Variants in PCDHGB4 observed in about 807,000 individuals in gnomAD.
The protein encoded by PCDHGB4 is protocadherin gamma-B4.
PCDHGB4 carries 38 observed loss-of-function variants against 60.5 expected under a neutral mutation model. The observed-to-expected ratio is 0.63, with a 90% CI of 0.48 to 0.82. The LOEUF (loss-of-function observed/expected upper bound fraction) is 0.82. Among genes scored for constraint, PCDHGB4 ranks in the 40% least tolerant of loss-of-function variants. The pLI, the probability that PCDHGB4 is intolerant of heterozygous loss-of-function variation, is 0.00. For missense variants in PCDHGB4, 1,109 were observed against 1,209.6 expected (o/e 0.92, Z 1.23); for synonymous variants, 456 against 509.7 (o/e 0.89, Z 1.42).
At chr5:141,473,735 A>G (rs529416084) in intron 1 of PCDHGB4, among the ~76,000 whole-genome samples, 75 of 152,352 alleles carry the variant, frequency 4.9e-4, no homozygotes, top group African/African-American at 1.6e-3. Context: ...GAGAGGGAGA[A>G]GACATGAGAA....
At chr5:141,423,460 G>A in intron 1 of PCDHGB4, 1 of 1,614,046 alleles carries the variant, frequency 6.2e-7, no homozygotes, top group Non-Finnish European at 8.5e-7. Context: ...TGTAGGCGTG[G>A]ACGGGGTACA....
intron 1 of PCDHGB4, chr5:141,419,057 A>T: frequency 6.2e-7 from 1 of 1,613,900 alleles, no homozygotes; most frequent in East Asian, 2.2e-5. Flanking sequence ...TTCTTCTAAT[A>T]ATTACTACAA....
In PCDHGB4 at chr5:141,389,758, G is replaced by A; in HGVS notation, c.1874G>A (p.Arg625His). 1.2e-6 allele frequency: 2 copies of A among 1,612,792 alleles called. No homozygotes were observed. Among genetic ancestry groups the A allele is most frequent in the Non-Finnish European group, 1.7e-6 (2 of 1,179,692 alleles). Residue 625 changes from arginine to histidine, a missense_variant, in exon 1 of 4, where the codon CGC becomes CAC. Arg to His is a conservative substitution (Grantham distance 29). Transcript: ENST00000519479. The part of the protein sequence containing the change: ...FSLGLRTGEV[R>H]TARALGDRDA... The stretch of plus-strand genomic sequence containing the variant: ...CTGGGGCTGCGCACGGGCGAAGTGC[G>A]CACAGCGCGTGCCTTAGGCGACAGG...
In PCDHGB4 at chr5:141,432,725, G is replaced by T; in HGVS notation, c.2397+42444G>T. The T allele has an allele frequency of 6.2e-7, 1 of 1,614,014 alleles. No individual in the cohort carries two copies. On this transcript the variant is annotated intron_variant, in intron 1 of 3. Coordinates refer to ENST00000519479, the MANE Select transcript of PCDHGB4 (RefSeq NM_003736.4). The surrounding 1 kb of genome is among the most constrained non-coding windows in gnomAD (Gnocchi z 6.0). ...GGACCACGGCCAGCCCCCTCTCTCC[G>T]CCACTGTCACGCTCACCGTGGCCGT...
At position 141,410,750 on chromosome 5, in the gene PCDHGB4, A is replaced by G. The variant is rs1256862831; in HGVS notation, c.2397+20469A>G. Reference sequence around the variant, plus strand: ...CATAGCTTTTTACAATATTTTCTCAATGTTTTTTCAATTATAGTTTTCACT... The same window carrying G: ...CATAGCTTTTTACAATATTTTCTCAGTGTTTTTTCAATTATAGTTTTCACT... On this transcript the variant is annotated intron_variant, in intron 1 of 3. Coordinates refer to ENST00000519479, the MANE Select transcript of PCDHGB4 (RefSeq NM_003736.4). 23 of 1,243,022 alleles carry G rather than the reference A, an allele frequency of 1.9e-5. No homozygotes were observed. The East Asian group carries it at 4.4e-4, about 24-fold the overall frequency. 77.0% of individuals were successfully genotyped at this position (1,243,022 alleles called of 1,614,324 possible). A position where few individuals can be genotyped will look rare whatever the true frequency, so the allele number is the denominator to read the frequency against.
At chr5:141,471,660 A>G (rs1010236543) in intron 1 of PCDHGB4, 12 of 152,184 alleles carry the variant, frequency 7.9e-5, no homozygotes, top group Non-Finnish European at 1.8e-4. Flanking sequence ...GTGGGGATGC[A>G]GAAAAAAATA....
intron 1 of PCDHGB4, among the ~76,000 whole-genome samples, chr5:141,445,778 T>G (rs1045010487): frequency 6.6e-6 from 1 of 152,190 alleles, no homozygotes; most frequent in East Asian, 1.9e-4. Context: ...TTAAAAGGGC[T>G]AGGGAGGCTA....
chr5:141,422,831 C>A (rs766457129), intron 1 of PCDHGB4: 11 of 1,614,242 alleles, frequency 6.8e-6, no homozygotes, highest in Non-Finnish European at 6.8e-6. Context: ...AGAGTGATAG[C>A]ACGTGACAGC....
At chr5:141,478,567 C>A in intron 1 of PCDHGB4, 1 of 1,593,812 alleles carries the variant, frequency 6.3e-7, no homozygotes, top group Non-Finnish European at 8.6e-7. Flanking sequence ...GCAAGTCATG[C>A]TTGACCCTGT....
intron 1 of PCDHGB4, among the ~76,000 whole-genome samples, chr5:141,438,674 A>C (rs894070572): frequency 1.9e-4 from 25 of 134,850 alleles, no homozygotes; most frequent in Non-Finnish European, 3.1e-4. Context: ...ATATATTTGG[A>C]GTAGGGGATG....
intron 1 of PCDHGB4, among the ~76,000 whole-genome samples, chr5:141,460,577 TGTG>T (rs2098992364): frequency 6.6e-6 from 1 of 152,094 alleles, no homozygotes; most frequent in African/African-American, 2.4e-5. Context: ...CATATGTAGG[TGTG>T]GGTTTTTTCT....
intron 1 of PCDHGB4, chr5:141,433,252 G>T (rs1398141147): frequency 1.4e-6 from 2 of 1,425,340 alleles, no homozygotes; most frequent in Non-Finnish European, 1.9e-6. Flanking sequence ...GGAATGCAGC[G>T]GTACGATCAT....
At chr5:141,500,615 A>G (rs1341597957) in intron 2 of PCDHGB4, among the ~76,000 whole-genome samples, 1 of 152,232 alleles carries the variant, frequency 6.6e-6, no homozygotes, top group East Asian at 1.9e-4. Flanking sequence ...ATTCCCAGTC[A>G]TACGGTACAT....
At position 141,432,902 on chromosome 5, in the gene PCDHGB4, A is replaced by C. The variant is rs992417865; in HGVS notation, c.2397+42621A>C. The C allele has an allele frequency of 1.2e-6, 2 of 1,614,028 alleles. No homozygotes were observed. The highest frequency in any genetic ancestry group is 2.7e-5 in the African/African-American group (2 of 74,924). On this transcript the variant is annotated intron_variant, in intron 1 of 3. Coordinates refer to ENST00000519479, the MANE Select transcript of PCDHGB4 (RefSeq NM_003736.4). The surrounding 1 kb of genome is among the most constrained non-coding windows in gnomAD (Gnocchi z 6.0). ...CTTCGTCATCTTGCTGCTGGCGCTCAGGCTGCGGCGCTGGCACAAGTCACG... is the reference window on the plus strand; with the variant it reads ...CTTCGTCATCTTGCTGCTGGCGCTCCGGCTGCGGCGCTGGCACAAGTCACG...
At position 141,431,052 on chromosome 5, in the gene PCDHGB4, G is replaced by T. The variant is rs148326556; in HGVS notation, c.2397+40771G>T. 7.4e-6 allele frequency: 12 copies of T among 1,614,110 alleles called. No homozygotes were observed. The African/African-American group carries it at 1.6e-4, about 22-fold the overall frequency. On this transcript the variant is annotated intron_variant, in intron 1 of 3. Coordinates refer to ENST00000519479, the MANE Select transcript of PCDHGB4 (RefSeq NM_003736.4). The surrounding 1 kb of genome is among the most constrained non-coding windows in gnomAD (Gnocchi z 4.8). ...ATAGACCGGGAGGAGCTCTGTATGG[G>T]GGCCATCAAGTGTCAATTAAATCTA...
chr5:141,490,257 T>C lies in PCDHGB4; in HGVS notation c.2398-4550T>C, dbSNP rs2099697852. On this transcript the variant is annotated intron_variant, in intron 1 of 3. Coordinates refer to ENST00000519479, the MANE Select transcript of PCDHGB4 (RefSeq NM_003736.4). The surrounding 1 kb of genome is among the most constrained non-coding windows in gnomAD (Gnocchi z 5.4). ...AGGGCCACTGTGTGATTCAAGTGGATGTGGGGGATGTCAATGACAATGCCC... is the reference window on the plus strand; with the variant it reads ...AGGGCCACTGTGTGATTCAAGTGGACGTGGGGGATGTCAATGACAATGCCC... The C allele has an allele frequency of 6.2e-7, 1 of 1,614,208 alleles. No individual in the cohort carries two copies. Among genetic ancestry groups the C allele is most frequent in the South Asian group, 1.1e-5 (1 of 91,078 alleles).
At chr5:141,447,613 A>G (rs1169186870) in intron 1 of PCDHGB4, among the ~76,000 whole-genome samples, 1 of 152,186 alleles carries the variant, frequency 6.6e-6, no homozygotes, top group Admixed American at 6.5e-5. Context: ...TTAGCATTTT[A>G]AAGTTGAAAC....
intron 1 of PCDHGB4, among the ~76,000 whole-genome samples, chr5:141,465,966 C>T (rs904439039): frequency 5.3e-5 from 8 of 151,802 alleles, no homozygotes; most frequent in Non-Finnish European, 1.0e-4. Context: ...ACTAAAAATA[C>T]AAAAAATTAG....
chr5:141,433,140 CAGGTGATTCGGTATTTTCTAAAG>C (rs2097570930), intron 1 of PCDHGB4: 1 of 1,613,948 alleles, frequency 6.2e-7, no homozygotes, highest in Non-Finnish European at 8.5e-7. Flanking sequence ...CTTTTGCTGT[CAGGTGATTCGGTATTTTCTAAAG>C]ACAGTCATGG....
Sources: allele counts gnomAD v4.1 joint callset (sites outside exome capture counted in the v4.1 genomes callset), GRCh38; gene constraint gnomAD v4.1.1; non-coding constraint Gnocchi (gnomAD v3.1); transcripts MANE v1.5; gene names NCBI Gene and HGNC (gene_info 2026-07-23, HGNC 2026-07-21).